DZANK1: variants seen among roughly 807,000 people sequenced by gnomAD.
DZANK1 encodes the protein double zinc ribbon and ankyrin repeat-containing protein 1.
DZANK1 carries 91 observed loss-of-function variants against 94.5 expected under a neutral mutation model. The ratio of observed to expected loss-of-function variants is 0.96; its 90% CI spans 0.81 to 1.15. The LOEUF is 1.15. DZANK1 is among the 50% of genes most tolerant of loss of function. DZANK1 has a pLI of 0.00. For synonymous variants in DZANK1, 312 were observed against 325.3 expected (o/e 0.96, Z 0.44); for missense variants, 903 against 916.4 (o/e 0.99, Z 0.19).
At chr20:18,454,018 G>A (rs188892329) in intron 4 of DZANK1, 191 bp from the exon 5 acceptor site, 3 of 694,398 alleles carry the variant, frequency 4.3e-6, no homozygotes, top group Admixed American at 3.6e-5. Flanking sequence ...TGCTCAGCTG[G>A]CAGCACATCT....
intron 7 of DZANK1, 37 bp downstream of exon 7, chr20:18,448,947 A>G: frequency 6.7e-7 from 1 of 1,503,546 alleles, no homozygotes. Context: ...GTATCTTTGT[A>G]GGATTTAAGG....
At chr20:18,448,107 G>T (rs1369110322) in intron 7 of DZANK1, among the ~76,000 whole-genome samples, 2 of 152,140 alleles carry the variant, frequency 1.3e-5, no homozygotes, top group Admixed American at 6.5e-5. Context: ...AACTTTATCT[G>T]TAATAGCCCA....
intron 2 of DZANK1, among the ~76,000 whole-genome samples, chr20:18,463,473 A>G (rs1002731764): frequency 6.6e-6 from 1 of 150,770 alleles, no homozygotes; most frequent in African/African-American, 2.5e-5. Flanking sequence ...CTGCACATGT[A>G]CCCCCAAGCC....
chr20:18,435,245 C>T (rs1399549124), intron 8 of DZANK1, among the ~76,000 whole-genome samples: 1 of 152,186 alleles, frequency 6.6e-6, no homozygotes, highest in African/African-American at 2.4e-5. Flanking sequence ...CAACTGAACA[C>T]TAAGATATGC....
At chr20:18,455,223 A>G (rs1188889959) in intron 4 of DZANK1, 24 bp downstream of exon 4, 9 of 1,548,110 alleles carry the variant, frequency 5.8e-6, no homozygotes, top group African/African-American at 2.7e-5. Flanking sequence ...GACAATCTGA[A>G]TGGATTATAG....
intron 3 of DZANK1, among the ~76,000 whole-genome samples, chr20:18,457,187 C>T (rs2059320783): frequency 6.6e-6 from 1 of 152,108 alleles, no homozygotes; most frequent in Non-Finnish European, 1.5e-5. Flanking sequence ...ACAATAGTGG[C>T]TTTATGGCAG....
chr20:18,440,465 T>C (rs1364543695), intron 8 of DZANK1, among the ~76,000 whole-genome samples: 1 of 152,168 alleles, frequency 6.6e-6, no homozygotes, highest in Non-Finnish European at 1.5e-5. Context: ...CCCACACTTA[T>C]TCCCCAAGAC....
At chr20:18,389,286 C>A (rs895374191) in intron 19 of DZANK1, among the ~76,000 whole-genome samples, 19 of 152,124 alleles carry the variant, frequency 1.2e-4, no homozygotes, top group Non-Finnish European at 4.4e-5. Context: ...GATCTGGAGA[C>A]AACCGTATGA....
chr20:18,398,131 G>C (rs1040860233), intron 14 of DZANK1, among the ~76,000 whole-genome samples: 1 of 152,156 alleles, frequency 6.6e-6, no homozygotes, highest in Non-Finnish European at 1.5e-5. Flanking sequence ...TGAATACAAT[G>C]CTGATGCTGG....
rs773900637 is a variant in DZANK1 at position 18,384,464 on chromosome 20, T to C, written c.2194A>G (p.Lys732Glu). Residue 732 changes from lysine (K) to glutamate (E), a missense_variant, in exon 21 of 21, where the codon AAG becomes GAG. By Grantham distance (56) the Lys-to-Glu change is moderately conservative. Coordinates refer to ENST00000262547, the Ensembl canonical transcript of DZANK1. ...TGGTCCTCAAGCCCTTGGCCAAACT[T>C]GGCAGCAAAGAGTGAGGTGACAAGG... The C allele has an allele frequency of 2.5e-6, 4 of 1,611,964 alleles. No individual in the cohort carries two copies. The African/African-American group carries it at 5.3e-5, about 22-fold the overall frequency.
At chr20:18,402,415 T>C (rs1440536469) in intron 13 of DZANK1, among the ~76,000 whole-genome samples, 2 of 152,054 alleles carry the variant, frequency 1.3e-5, no homozygotes, top group Non-Finnish European at 2.9e-5. Context: ...AACTGGTACA[T>C]GACCTTTCTC....
At chr20:18,450,751 G>C (rs983249995) in intron 6 of DZANK1, among the ~76,000 whole-genome samples, 3 of 152,176 alleles carry the variant, frequency 2.0e-5, no homozygotes, top group Non-Finnish European at 4.4e-5. Flanking sequence ...TGTGACTCCA[G>C]GTACATTAAA....
intron 13 of DZANK1, among the ~76,000 whole-genome samples, chr20:18,407,859 G>A (rs1258570300): frequency 2.6e-5 from 4 of 152,110 alleles, no homozygotes; most frequent in East Asian, 1.9e-4. Context: ...TTGAAGACAG[G>A]CTATTCAAAA....
rs147440845 is a variant in DZANK1, at chr20:18,389,840, G to A, written c.1891-12C>T. ...TTGGGGTCTGCTCCCTGCAGCAAAC[G>A]GAAAAGGACAAACTCTCCAAAACAC... On this transcript the variant is annotated splice_polypyrimidine_tract_variant and intron_variant, in intron 18 of 20. Coordinates refer to ENST00000262547, the Ensembl canonical transcript of DZANK1. 9.5e-5 allele frequency: 154 copies of A among 1,613,550 alleles called. No individual in the cohort carries two copies. The East Asian group carries it at 2.3e-3, about 24-fold the overall frequency.
At chr20:18,399,214 A>G (rs1391474603) in intron 13 of DZANK1, among the ~76,000 whole-genome samples, 1 of 151,968 alleles carries the variant, frequency 6.6e-6, no homozygotes, top group Non-Finnish European at 1.5e-5. Flanking sequence ...CCCACCTACA[A>G]TAACTTACCT....
At chr20:18,389,002 A>G (rs2048684225) in intron 19 of DZANK1, among the ~76,000 whole-genome samples, 1 of 152,144 alleles carries the variant, frequency 6.6e-6, no homozygotes, top group South Asian at 2.1e-4. Flanking sequence ...TCCCTAGAAG[A>G]CTCATTTCAA....
rs73902450 is a variant in DZANK1 at position 18,386,620 on chromosome 20, T to A, written c.2019-1530A>T. On this transcript the variant is annotated intron_variant, in intron 19 of 20. Coordinates refer to ENST00000262547, the Ensembl canonical transcript of DZANK1. ...TCTCGAAAGATAGAAGAGAAAAAAA[T>A]AGATGAAACTATGGAAAAACAGAAA... 7.5e-3 allele frequency among the ~76,000 whole-genome samples: 1,131 copies of A among 151,742 alleles called. 16 individuals are homozygous for A. Among genetic ancestry groups the A allele is most frequent in the African/African-American group, 0.026 (1,093 of 41,358 alleles).
intron 9 of DZANK1, among the ~76,000 whole-genome samples, chr20:18,429,817 G>C (rs1353767685): frequency 6.6e-6 from 1 of 152,144 alleles, no homozygotes; most frequent in Non-Finnish European, 1.5e-5. Context: ...CTTCTTTCTA[G>C]AGCAGTGACC....
intron 14 of DZANK1, among the ~76,000 whole-genome samples, chr20:18,398,116 A>C (rs1408862878): frequency 6.6e-6 from 1 of 152,206 alleles, no homozygotes; most frequent in Non-Finnish European, 1.5e-5. Context: ...TGAAGGCAAG[A>C]ATGATGAATA....
Sources: allele counts gnomAD v4.1 joint callset (sites outside exome capture counted in the v4.1 genomes callset), GRCh38; gene constraint gnomAD v4.1.1; transcripts MANE v1.5; gene names NCBI Gene and HGNC (gene_info 2026-07-23, HGNC 2026-07-21).